Variants in RFX6 observed in about 807,000 individuals in gnomAD.
RFX6 encodes regulatory factor X6.
A neutral mutation model predicts 110.8 loss-of-function variants in RFX6; 50 were observed. The ratio of observed to expected loss-of-function variants is 0.45; its 90% CI spans 0.36 to 0.57. The LOEUF (loss-of-function observed/expected upper bound fraction) is 0.57. Ranked by LOEUF, RFX6 falls within the 20% of genes least tolerant of loss-of-function variation. The pLI, the probability that RFX6 is intolerant of heterozygous loss-of-function variation, is 0.00. For synonymous variants in RFX6, 383 were observed against 411.2 expected (o/e 0.93, Z 0.83); for missense variants, 990 against 1,127.0 (o/e 0.88, Z 1.74).
At chr6:116,882,222 G>A in intron 3 of RFX6, 145 bp from the exon 4 acceptor site, 1 of 693,890 alleles carries the variant, frequency 1.4e-6, no homozygotes, top group Non-Finnish European at 2.7e-6. Flanking sequence ...ATCAATATGT[G>A]TAAGTTATTA....
chr6:116,888,603 G>A (rs1391572548), intron 4 of RFX6, among the ~76,000 whole-genome samples: 1 of 152,072 alleles, frequency 6.6e-6, no homozygotes, highest in Non-Finnish European at 1.5e-5. Flanking sequence ...ATAGGGAGAA[G>A]GAACTGTGAA....
intron 9 of RFX6, 78 bp from the exon 10 acceptor site, chr6:116,917,959 A>T: frequency 1.0e-6 from 1 of 968,620 alleles, no homozygotes; most frequent in East Asian, 2.4e-5. Flanking sequence ...TAGGAATAAA[A>T]AGTAGTTGAC....
chr6:116,929,109 T>TA (rs755428727), intron 18 of RFX6, 138 bp downstream of exon 18: 10 of 699,476 alleles, frequency 1.4e-5, no homozygotes, highest in Non-Finnish European at 2.6e-5. Context: ...GGATCTAAAG[T>TA]TATATTTTTT....
chr6:116,906,736 T>G (rs1562140844), intron 6 of RFX6, among the ~76,000 whole-genome samples: 1 of 131,590 alleles, frequency 7.6e-6, no homozygotes, highest in Admixed American at 8.1e-5. Flanking sequence ...TTGAATCCAT[T>G]TATGAGTTGT....
intron 4 of RFX6, among the ~76,000 whole-genome samples, chr6:116,891,325 G>A (rs1485266302): frequency 6.6e-6 from 1 of 152,178 alleles, no homozygotes; most frequent in African/African-American, 2.4e-5. Flanking sequence ...AGACAGTGTA[G>A]TTTGTTCTCA....
intron 18 of RFX6, among the ~76,000 whole-genome samples, chr6:116,931,025 G>T (rs1775872483): frequency 6.6e-6 from 1 of 152,102 alleles, no homozygotes; most frequent in African/African-American, 2.4e-5. Context: ...ATGGTGGTTT[G>T]AACTACAACC....
In RFX6 at chr6:116,906,481, T is replaced by C. The variant is rs117575798; in HGVS notation, c.673-4454T>C. On this transcript the variant is annotated intron_variant, in intron 6 of 18. Coordinates refer to ENST00000332958, the MANE Select transcript of RFX6 (RefSeq NM_173560.4). Reference sequence around the variant, plus strand: ...TTGCTATCTTAAATATTAATTCTTCTAATCCATGAACATAGAATGTCTTTT... The same window carrying C: ...TTGCTATCTTAAATATTAATTCTTCCAATCCATGAACATAGAATGTCTTTT... Among the ~76,000 whole-genome samples the C allele has an allele frequency of 3.7e-4, 57 of 152,300 alleles. 1 individual carries two copies. In the East Asian group the frequency reaches 0.011, roughly 29 times the overall value.
intron 6 of RFX6, among the ~76,000 whole-genome samples, chr6:116,904,231 A>G (rs1302718067): frequency 6.6e-6 from 1 of 151,948 alleles, no homozygotes; most frequent in Non-Finnish European, 1.5e-5. Flanking sequence ...TTATTTTGAA[A>G]TTTTAATCTT....
At chr6:116,888,120 T>C (rs1298269025) in intron 4 of RFX6, among the ~76,000 whole-genome samples, 1 of 152,190 alleles carries the variant, frequency 6.6e-6, no homozygotes, top group Non-Finnish European at 1.5e-5. Flanking sequence ...ATCCCATCAT[T>C]TCCTTATCAG....
intron 16 of RFX6, among the ~76,000 whole-genome samples, chr6:116,926,782 G>A (rs550380319): frequency 2.0e-5 from 3 of 152,274 alleles, no homozygotes; most frequent in South Asian, 4.1e-4. Context: ...AAACCATGAA[G>A]CCATCGCAGA....
intron 4 of RFX6, 69 bp from the exon 5 acceptor site, chr6:116,893,918 C>T: frequency 5.7e-6 from 5 of 878,036 alleles, no homozygotes; most frequent in Admixed American, 1.7e-5. Flanking sequence ...GTCAGTTATA[C>T]CTTAGTCTCT....
chr6:116,904,976 T>A (rs1371971189), intron 6 of RFX6, among the ~76,000 whole-genome samples: 1 of 152,248 alleles, frequency 6.6e-6, no homozygotes, highest in East Asian at 1.9e-4. Flanking sequence ...AATGCTGCTA[T>A]GAATGTGGAT....
At chr6:116,909,449 A>G (rs1775282561) in intron 6 of RFX6, among the ~76,000 whole-genome samples, 2 of 152,004 alleles carry the variant, frequency 1.3e-5, no homozygotes, top group Admixed American at 6.5e-5. Flanking sequence ...ATTTTTCCCT[A>G]TTTATTGACA....
At chr6:116,924,918 T>A (rs1775677744) in intron 15 of RFX6, 127 bp downstream of exon 15, 2 of 712,124 alleles carry the variant, frequency 2.8e-6, no homozygotes, top group Non-Finnish European at 5.0e-6. Flanking sequence ...ATGTCATTAC[T>A]AATTCTCACC....
At chr6:116,894,797 G>GA (rs202133551) in intron 5 of RFX6, among the ~76,000 whole-genome samples, 125 of 150,750 alleles carry the variant, frequency 8.3e-4, no homozygotes, top group African/African-American at 2.9e-3. Flanking sequence ...GTATCTTGTG[G>GA]AAAAAAAAAG....
At chr6:116,924,569 T>A (rs1775667933) in intron 14 of RFX6, 100 bp from the exon 15 acceptor site, 1 of 1,084,638 alleles carries the variant, frequency 9.2e-7, no homozygotes, top group Admixed American at 1.7e-5. Context: ...TGTTGCGAGA[T>A]GGTCACAAAG....
rs1774476982 is a variant in RFX6, at chr6:116,877,272, G to C, written c.-4G>C. ...GCGCGCGGAGGTGTCCGGCGGCCAG[G>C]AGGATGGCCAAGGTCCCGGAGCTGG... On this transcript the variant is annotated 5_prime_UTR_variant, in exon 1 of 19. Transcript: ENST00000332958. 3.1e-6 allele frequency: 5 copies of C among 1,606,324 alleles called. No individual in the cohort carries two copies. Among genetic ancestry groups the C allele is most frequent in the Non-Finnish European group, 4.3e-6 (5 of 1,176,364 alleles).
At position 116,927,431 on chromosome 6, in the gene RFX6, C is replaced by G. The variant is rs1163540924; in HGVS notation, c.2290C>G (p.Gln764Glu). Residue 764 changes from glutamine (Q) to glutamate (E), a missense_variant, in exon 17 of 19, where the codon CAG (glutamine) becomes GAG (glutamate). By Grantham distance (29) the Gln-to-Glu change is conservative. This residue lies in a region of RFX6 where 438 missense variants were observed against 441.9 expected (regional missense o/e 0.99). Coordinates refer to ENST00000332958, the MANE Select transcript of RFX6 (RefSeq NM_173560.4). The stretch of plus-strand genomic sequence containing the variant: ...TAGCTATGGCCCATCCCTGCAAGCC[C>G]AGGATTCACACAATATGCAGTTTTT... Reference protein sequence around the residue: ...PSSYGPSLQAQDSHNMQFLNT... With the variant: ...PSSYGPSLQAEDSHNMQFLNT... The G allele has an allele frequency of 1.9e-6, 3 of 1,614,042 alleles. No homozygotes were observed. The highest frequency in any genetic ancestry group is 2.5e-6 in the Non-Finnish European group (3 of 1,180,038).
chr6:116,931,646 G>A lies in RFX6; in HGVS notation c.*140G>A. 3.1e-6 allele frequency: 2 copies of A among 654,634 alleles called. No individual in the cohort carries two copies. The highest frequency in any genetic ancestry group is 5.3e-6 in the Non-Finnish European group (2 of 375,848). 40.6% of individuals were successfully genotyped at this position (654,634 alleles called of 1,614,324 possible). ...ATTGTTTTAAAGTCACTGGTACTAT[G>A]GACAACTCCATAGTGAATGGAGATA... On this transcript the variant is annotated 3_prime_UTR_variant, in exon 19 of 19. Transcript: ENST00000332958.
Sources: gnomAD v4.1 joint callset for allele counts (sites outside exome capture counted in the v4.1 genomes callset) on GRCh38, gnomAD v4.1.1 for gene constraint, gnomAD v4.1.1 regional missense constraint, MANE v1.5 for transcripts, NCBI Gene and HGNC (gene_info 2026-07-23, HGNC 2026-07-21) for gene names.